Variants in HERC1 observed in about 807,000 individuals in gnomAD.
HERC1 encodes the protein probable E3 ubiquitin-protein ligase HERC1.
In HERC1, 160 loss-of-function variants were observed where a neutral mutation model predicts 554.3. The ratio of observed to expected loss-of-function variants is 0.29; its 90% CI spans 0.25 to 0.33. HERC1 has a LOEUF of 0.33. Ranked by LOEUF, HERC1 falls within the 10% of genes least tolerant of loss-of-function variation. The pLI is 1.00. For synonymous variants in HERC1, 2,175 were observed against 2,131.7 expected, an observed-to-expected ratio of 1.02 and a Z score of -0.56; for missense variants, 4,919 against 5,918.5, an observed-to-expected ratio of 0.83 and a Z score of 5.54.
chr15:63,656,455 T>C (rs2070041944), intron 48 of HERC1, 97 bp from the exon 49 acceptor site: 2 of 1,069,488 alleles, frequency 1.9e-6, no homozygotes, highest in East Asian at 2.5e-5. Context: ...TCAACAACCA[T>C]AATAAAATGT....
chr15:63,785,626 C>T (rs1413866521), intron 1 of HERC1, among the ~76,000 whole-genome samples: 1 of 151,856 alleles, frequency 6.6e-6, no homozygotes, highest in Non-Finnish European at 1.5e-5. Flanking sequence ...AAAAATTAGC[C>T]AGGAATGGTG....
In HERC1 at chr15:63,774,960, A is replaced by G. The variant is rs761605569; in HGVS notation, c.664T>C (p.Leu222=). The G allele has an allele frequency of 5.6e-6, 9 of 1,614,080 alleles. No individual in the cohort carries two copies. Among genetic ancestry groups the G allele is most frequent in the Non-Finnish European group, 7.6e-6 (9 of 1,179,896 alleles). ...SKIPPMGLDC[L]SQVTTFLKGV... is the part of the protein sequence containing the mutation. ...TTAAGAAATGTTGTTACTTGCGATAAGCAGTCCAAGCCCATAGGAGGAATC... is the reference window on the plus strand; with the variant it reads ...TTAAGAAATGTTGTTACTTGCGATAGGCAGTCCAAGCCCATAGGAGGAATC... The change falls in exon 2 of 78, where the codon TTA becomes CTA. Residue 222 remains leucine (L), a synonymous_variant. Transcript: ENST00000443617.
At chr15:63,653,932 C>T (rs183846455) in intron 51 of HERC1, among the ~76,000 whole-genome samples, 187 bp downstream of exon 51, 1 of 152,286 alleles carries the variant, frequency 6.6e-6, no homozygotes, top group East Asian at 1.9e-4. Context: ...TTATATCAAA[C>T]CAGCATACAG....
rs200277711 is a variant in HERC1, at chr15:63,751,831, T to TTTA, written c.1902+1124_1902+1126dup. 7.6e-4 allele frequency among the ~76,000 whole-genome samples: 115 copies of TTTA among 152,156 alleles called. 1 individual carries two copies. In the East Asian group the frequency reaches 0.02, roughly 26 times the overall value. ...TTCTCTTGGAATTCAATGTAATGGA[T>TTTA]TTATTATTATTATTACTATTATTAC... On this transcript the variant is annotated intron_variant, in intron 8 of 77. Transcript: ENST00000443617.
chr15:63,730,221 G>A (rs980312403), intron 14 of HERC1, among the ~76,000 whole-genome samples: 6 of 151,216 alleles, frequency 4.0e-5, no homozygotes, highest in Non-Finnish European at 8.8e-5. Flanking sequence ...TTGGGAGGCC[G>A]AGGTGGAAAG....
chr15:63,628,591 T>C, intron 70 of HERC1, 86 bp downstream of exon 70: 2 of 1,351,810 alleles, frequency 1.5e-6, no homozygotes, highest in Non-Finnish European at 2.0e-6. Flanking sequence ...CGATGCTGGA[T>C]ACAGTTGGGA....
rs1056976196 is a variant in HERC1 at position 63,675,099 on chromosome 15, C to T, written c.7089G>A (p.Ser2363=). The T allele has an allele frequency of 2.0e-5, 31 of 1,583,392 alleles. No individual in the cohort carries two copies. Among genetic ancestry groups the T allele is most frequent in the Non-Finnish European group, 2.5e-5 (29 of 1,162,956 alleles). The part of the protein sequence containing the change: ...EITISFPTFW[S]PSDTPLYNLE... ...GATTATACAATGGAGTATCACTAGG[C>T]GACCAAAAAGTTGGGAAGCTTTAAT... is the stretch of plus-strand genomic sequence containing the variant. Residue 2363 remains serine (S), a synonymous_variant, in exon 38 of 78, where the codon TCG becomes TCA. Transcript: ENST00000443617.
chr15:63,638,718 C>T lies in HERC1; in HGVS notation c.11960G>A (p.Arg3987Lys). ...DEQIMSWATS[R>K]PEDWHLGGKC... ...ATCTTCATCTTTACTGACCTCAGGT[C>T]TGGAAGTTGCCCAAGACATAATTTG... is the stretch of plus-strand genomic sequence containing the variant. Residue 3987 changes from arginine to lysine, a missense_variant, in exon 62 of 78, where the codon AGA (arginine) becomes AAA (lysine). By Grantham distance (26) the Arg-to-Lys change is conservative. Coordinates refer to ENST00000443617, the MANE Select transcript of HERC1 (RefSeq NM_003922.4). The T allele has an allele frequency of 6.2e-7, 1 of 1,612,676 alleles. No homozygotes were observed. Among genetic ancestry groups the T allele is most frequent in the Non-Finnish European group, 8.5e-7 (1 of 1,178,718 alleles).
chr15:63,706,052 A>G (rs912497811), intron 25 of HERC1, among the ~76,000 whole-genome samples: 1 of 149,386 alleles, frequency 6.7e-6, no homozygotes, highest in African/African-American at 2.5e-5. Flanking sequence ...AAAAAAAAAA[A>G]GCAGCAGTAC....
In HERC1 at chr15:63,713,511, C is replaced by T. The variant is rs2073405147; in HGVS notation, c.4305G>A (p.Gln1435=). ...AGTTGCATGCAGCAGTGTACACATC[C>T]TGACCCTCAGGAAGGTCTGTGCTGA... ...RRVSTDLPEG[Q]DVYTAACNSV... The change falls in exon 23 of 78, where the codon CAG becomes CAA. Residue 1435 remains glutamine (Q), a synonymous_variant. Transcript: ENST00000443617. 1 of 1,613,990 alleles carries T rather than the reference C, an allele frequency of 6.2e-7. No homozygotes were observed. Among genetic ancestry groups the T allele is most frequent in the Non-Finnish European group, 8.5e-7 (1 of 1,179,886 alleles).
intron 1 of HERC1, among the ~76,000 whole-genome samples, chr15:63,785,288 G>A (rs2076404099): frequency 6.6e-6 from 1 of 152,064 alleles, no homozygotes; most frequent in African/African-American, 2.4e-5. Flanking sequence ...TCTGGGCATG[G>A]TGGTACACGA....
chr15:63,770,056 G>A (rs187592036), intron 2 of HERC1, among the ~76,000 whole-genome samples: 278 of 152,126 alleles, frequency 1.8e-3, no homozygotes, highest in African/African-American at 6.5e-3. Flanking sequence ...CATTACATAT[G>A]GGATCAAGTC....
intron 22 of HERC1, among the ~76,000 whole-genome samples, chr15:63,714,642 A>G (rs1168874175): frequency 5.4e-5 from 7 of 130,694 alleles, no homozygotes; most frequent in African/African-American, 2.1e-4. Context: ...CTCCACCCCC[A>G]GGTTCAAGCG....
At chr15:63,812,335 A>G (rs1368493560) in intron 1 of HERC1, among the ~76,000 whole-genome samples, 2 of 152,220 alleles carry the variant, frequency 1.3e-5, no homozygotes, top group African/African-American at 4.8e-5. Flanking sequence ...ATGTTAGAAA[A>G]TATCTAGGCA....
At chr15:63,761,757 G>A (rs1415201066) in intron 3 of HERC1, among the ~76,000 whole-genome samples, 2 of 152,148 alleles carry the variant, frequency 1.3e-5, no homozygotes, top group Non-Finnish European at 2.9e-5. Flanking sequence ...GTCTATGTGT[G>A]TAACATGTAA....
At chr15:63,765,488 C>A (rs948592489) in intron 2 of HERC1, among the ~76,000 whole-genome samples, 1 of 152,134 alleles carries the variant, frequency 6.6e-6, no homozygotes. Context: ...CCAGCGTTAA[C>A]ATCAATACTG....
At chr15:63,816,545 T>C (rs979597534) in intron 1 of HERC1, among the ~76,000 whole-genome samples, 4 of 152,224 alleles carry the variant, frequency 2.6e-5, no homozygotes, top group Non-Finnish European at 4.4e-5. Flanking sequence ...AGAACAAACA[T>C]CAGTGACCAG....
At position 63,694,985 on chromosome 15, in the gene HERC1, C is replaced by T; in HGVS notation, c.5122-91G>A. ...AATAACATTTTATTTCTAGTCTATG[C>T]TAGAGCCTTACGATGGTTTTTAATT... On this transcript the variant is annotated intron_variant, in intron 27 of 77. Coordinates refer to ENST00000443617, the MANE Select transcript of HERC1 (RefSeq NM_003922.4). The surrounding 1 kb of genome is among the most constrained non-coding windows in gnomAD (Gnocchi z 4.3). 1 of 1,186,952 alleles carries T rather than the reference C, an allele frequency of 8.4e-7. No homozygotes were observed. Among genetic ancestry groups the T allele is most frequent in the Non-Finnish European group, 1.2e-6 (1 of 863,602 alleles). The allele number at this position is 1,186,952 out of a possible 1,614,324, so 73.5% of individuals were successfully genotyped here. A position where few individuals can be genotyped will look rare whatever the true frequency, so the allele number is the denominator to read the frequency against.
rs2073666623 is a variant in HERC1 at position 63,718,435 on chromosome 15, T to TC, written c.3978+138dup. 1 of 709,148 alleles carries TC rather than the reference T, an allele frequency of 1.4e-6. No homozygotes were observed. Among genetic ancestry groups the TC allele is most frequent in the Non-Finnish European group, 2.1e-6 (1 of 473,980 alleles). 43.9% of individuals were successfully genotyped at this position (709,148 alleles called of 1,614,324 possible). ...TCTCAAATCTTTTCCTTTTTTTTTT[T>TC]CTGCTAGGAAAAGAACTACTCAACA... On this transcript the variant is annotated intron_variant, in intron 21 of 77. Transcript: ENST00000443617. The surrounding 1 kb of genome is among the most constrained non-coding windows in gnomAD (Gnocchi z 4.2).
Sources: allele counts gnomAD v4.1 joint callset (sites outside exome capture counted in the v4.1 genomes callset), GRCh38; gene constraint gnomAD v4.1.1; non-coding constraint Gnocchi (gnomAD v3.1); transcripts MANE v1.5; gene names NCBI Gene and HGNC (gene_info 2026-07-23, HGNC 2026-07-21).